CREB5: variants seen among roughly 807,000 people sequenced by gnomAD.
The protein encoded by CREB5 is cyclic AMP-responsive element-binding protein 5.
CREB5 carries 19 observed loss-of-function variants against 57.1 expected under a neutral mutation model. The observed-to-expected ratio is 0.33, with a 90% CI of 0.23 to 0.49. The LOEUF is 0.49. CREB5 is among the 20% of genes least tolerant of loss of function. The probability of loss-of-function intolerance (pLI) is 0.99; values close to 1 mark genes in which losing one functional copy is unlikely to be tolerated. For synonymous variants in CREB5, 238 were observed against 238.3 expected, an observed-to-expected ratio of 1.00 and a Z score of 0.01; for missense variants, 579 against 671.6, an observed-to-expected ratio of 0.86 and a Z score of 1.52.
intron 1 of CREB5, among the ~76,000 whole-genome samples, chr7:28,313,891 C>CA (rs1415279416): frequency 6.6e-6 from 1 of 152,072 alleles, no homozygotes; most frequent in Non-Finnish European, 1.5e-5. Context: ...TCTAGCATAC[C>CA]ATACAATGAG....
chr7:28,550,323 A>T (rs147533409), intron 4 of CREB5, among the ~76,000 whole-genome samples: 1 of 152,134 alleles, frequency 6.6e-6, no homozygotes, highest in Non-Finnish European at 1.5e-5. Flanking sequence ...CTATTGGTTG[A>T]GTGGTTATAG....
intron 7 of CREB5, 58 bp downstream of exon 7, chr7:28,724,390 A>G (rs771432789): frequency 5.5e-6 from 8 of 1,445,546 alleles, no homozygotes; most frequent in Non-Finnish European, 6.7e-6. Flanking sequence ...TTTGAATTTT[A>G]CTCTGACTCC....
intron 1 of CREB5, among the ~76,000 whole-genome samples, chr7:28,440,307 C>T (rs987035015): frequency 1.3e-5 from 2 of 152,106 alleles, no homozygotes; most frequent in African/African-American, 4.8e-5. Context: ...TCAGCGTTTT[C>T]CTGACGAGTT....
intron 5 of CREB5, among the ~76,000 whole-genome samples, chr7:28,662,037 C>G (rs571976223): frequency 6.6e-6 from 1 of 152,242 alleles, no homozygotes; most frequent in African/African-American, 2.4e-5. Flanking sequence ...CATGCCAACC[C>G]CTGGGGACAA....
chr7:28,491,875 T>C (rs964406509), intron 2 of CREB5, among the ~76,000 whole-genome samples: 3 of 152,222 alleles, frequency 2.0e-5, no homozygotes, highest in African/African-American at 7.2e-5. Flanking sequence ...TAAATATAAG[T>C]TATCACTGCT....
intron 5 of CREB5, among the ~76,000 whole-genome samples, chr7:28,617,478 G>A (rs1375099869): frequency 1.3e-5 from 2 of 152,164 alleles, no homozygotes; most frequent in Non-Finnish European, 1.5e-5. Flanking sequence ...AAGACTGAGG[G>A]GCTGAACAGG....
chr7:28,584,240 T>G (rs1368672011), intron 5 of CREB5, among the ~76,000 whole-genome samples: 1 of 152,176 alleles, frequency 6.6e-6, no homozygotes, highest in African/African-American at 2.4e-5. Flanking sequence ...CCCTGTGGTT[T>G]TCCTCTTTAA....
intron 5 of CREB5, among the ~76,000 whole-genome samples, chr7:28,641,424 T>C (rs1000389205): frequency 1.3e-5 from 2 of 152,116 alleles, no homozygotes; most frequent in African/African-American, 4.8e-5. Context: ...ACAAAGAAAC[T>C]TGGACCCCCA....
intron 4 of CREB5, among the ~76,000 whole-genome samples, chr7:28,550,232 C>A (rs903281065): frequency 1.3e-5 from 2 of 151,918 alleles, no homozygotes; most frequent in African/African-American, 4.8e-5. Flanking sequence ...CCTTCTCTGT[C>A]TTCTTGTTCT....
intron 5 of CREB5, among the ~76,000 whole-genome samples, chr7:28,715,605 A>G (rs1583600807): frequency 6.6e-6 from 1 of 152,330 alleles, no homozygotes; most frequent in East Asian, 1.9e-4. Context: ...TACATGCGTC[A>G]GTCTAGTCCT....
chr7:28,432,426 C>T (rs1000864945), intron 1 of CREB5, among the ~76,000 whole-genome samples: 13 of 152,240 alleles, frequency 8.5e-5, no homozygotes, highest in Non-Finnish European at 1.5e-4. Context: ...TTTTGCAAGC[C>T]GGCAGGCACA....
At chr7:28,712,300 G>A (rs1210384353) in intron 5 of CREB5, among the ~76,000 whole-genome samples, 1 of 151,976 alleles carries the variant, frequency 6.6e-6, no homozygotes, top group Non-Finnish European at 1.5e-5. Context: ...TTGAGGTCAA[G>A]AGTTCAAGAC....
intron 1 of CREB5, among the ~76,000 whole-genome samples, chr7:28,307,416 A>G (rs1785209568): frequency 6.6e-6 from 1 of 152,224 alleles, no homozygotes; most frequent in Non-Finnish European, 1.5e-5. Context: ...GGACACAGCA[A>G]CAAGGTGTTG....
In CREB5 at chr7:28,819,096, G is replaced by T; in HGVS notation, c.1364-20G>T. 6 of 1,608,078 alleles carry T rather than the reference G, an allele frequency of 3.7e-6. No individual in the cohort carries two copies. The highest frequency in any genetic ancestry group is 5.1e-6 in the Non-Finnish European group (6 of 1,177,332). Reference sequence around the variant, plus strand: ...TGGTGTGTGTGTATGTGTGTGTGTTGTCTTTTTTTTTCTCCCTAGGTCCAG... The same window carrying T: ...TGGTGTGTGTGTATGTGTGTGTGTTTTCTTTTTTTTTCTCCCTAGGTCCAG... On this transcript the variant is annotated intron_variant, in intron 10 of 10. Transcript: ENST00000357727.
intron 1 of CREB5, among the ~76,000 whole-genome samples, chr7:28,368,597 G>A (rs528843387): frequency 9.2e-5 from 14 of 152,186 alleles, no homozygotes; most frequent in Middle Eastern, 3.4e-3. Flanking sequence ...CTTGCTGTGC[G>A]CTGAGCCTAG....
intron 5 of CREB5, among the ~76,000 whole-genome samples, chr7:28,614,505 CTGA>C (rs1429031989): frequency 6.6e-6 from 1 of 152,132 alleles, no homozygotes; most frequent in Non-Finnish European, 1.5e-5. Flanking sequence ...GTTCCATGTT[CTGA>C]TCTAGTCTGG....
chr7:28,514,821 G>A (rs1031843824), intron 4 of CREB5, among the ~76,000 whole-genome samples: 11 of 152,214 alleles, frequency 7.2e-5, no homozygotes, highest in Non-Finnish European at 1.3e-4. Flanking sequence ...TAGAAAGGTT[G>A]CGCATTCATG....
intron 1 of CREB5, among the ~76,000 whole-genome samples, chr7:28,463,191 T>C (rs934006733): frequency 2.7e-4 from 41 of 152,158 alleles, no homozygotes; most frequent in African/African-American, 9.7e-4. Flanking sequence ...AGATTGTTTT[T>C]TTCTTTCATT....
chr7:28,632,986 T>A (rs1430653743), intron 5 of CREB5, among the ~76,000 whole-genome samples: 1 of 152,208 alleles, frequency 6.6e-6, no homozygotes, highest in Non-Finnish European at 1.5e-5. Context: ...GATGAATGTT[T>A]GAATAGATTG....
Sources: gnomAD v4.1 joint callset for allele counts (sites outside exome capture counted in the v4.1 genomes callset) on GRCh38, gnomAD v4.1.1 for gene constraint, MANE v1.5 for transcripts, NCBI Gene and HGNC (gene_info 2026-07-23, HGNC 2026-07-21) for gene names.